WDR76: variants seen among roughly 807,000 people sequenced by gnomAD.
The protein encoded by WDR76 is WD repeat domain 76.
In WDR76, 52 loss-of-function variants were observed where a neutral mutation model predicts 70.2. That is an observed-to-expected ratio of 0.74 (90% confidence interval 0.59 to 0.93). The LOEUF (loss-of-function observed/expected upper bound fraction) is 0.93, where lower values mean the gene tolerates loss of function less well. WDR76 is among the 40% of genes least tolerant of loss of function. The pLI, the probability that WDR76 is intolerant of heterozygous loss-of-function variation, is 0.00. For synonymous variants in WDR76, 292 were observed against 271.1 expected (o/e 1.08, Z -0.76); for missense variants, 756 against 760.2 (o/e 0.99, Z 0.07).
At chr15:43,836,330 C>T in intron 4 of WDR76, 114 bp downstream of exon 4, 1 of 809,112 alleles carries the variant, frequency 1.2e-6, no homozygotes, top group South Asian at 2.6e-5. Context: ...GCTATTTAAT[C>T]TCAGTCCCTC....
intron 2 of WDR76, among the ~76,000 whole-genome samples, chr15:43,832,147 A>G (rs1240041065): frequency 6.6e-6 from 1 of 152,160 alleles, no homozygotes; most frequent in Non-Finnish European, 1.5e-5. Flanking sequence ...GCATTGTTCC[A>G]TTGTCTTCCA....
At position 43,828,230 on chromosome 15, in the gene WDR76, T is replaced by A. The variant is rs777451958; in HGVS notation, c.326T>A (p.Leu109Gln). The A allele has an allele frequency of 1.1e-5, 17 of 1,614,068 alleles. No individual in the cohort carries two copies. Among genetic ancestry groups the A allele is most frequent in the Non-Finnish European group, 1.4e-5 (16 of 1,180,040 alleles). The change falls in exon 2 of 13, where the codon CTG becomes CAG. Residue 109 changes from leucine (L) to glutamine (Q), a missense_variant. By Grantham distance (113) the Leu-to-Gln change is moderately radical. Transcript: ENST00000263795. ...KNTSSKAEST[L>Q]QNSSSAVHTE... is the part of the protein sequence containing the mutation. Reference sequence around the variant, plus strand: ...ACATCTTCCAAGGCAGAATCCACGCTGCAAAATTCATCCTCAGCTGTTCAT... The same window carrying A: ...ACATCTTCCAAGGCAGAATCCACGCAGCAAAATTCATCCTCAGCTGTTCAT...
At chr15:43,834,355 C>G (rs1205867734) in intron 2 of WDR76, among the ~76,000 whole-genome samples, 1 of 146,180 alleles carries the variant, frequency 6.8e-6, no homozygotes, top group Non-Finnish European at 1.5e-5. Flanking sequence ...GGCTAGAGTG[C>G]AATGGTGCGA....
At chr15:43,853,518 T>G (rs1035458713) in intron 9 of WDR76, among the ~76,000 whole-genome samples, 1 of 152,078 alleles carries the variant, frequency 6.6e-6, no homozygotes, top group African/African-American at 2.4e-5. Flanking sequence ...AAGCTTGACT[T>G]TAAAACAATA....
At position 43,866,354 on chromosome 15, in the gene WDR76, G is replaced by A. The variant is rs1020192578; in HGVS notation, c.1843G>A (p.Gly615Arg). Residue 615 changes from glycine to arginine, a missense_variant, in exon 13 of 13, where the codon GGG becomes AGG. Physicochemically the swap from Gly to Arg is moderately radical, Grantham distance 125. Coordinates refer to ENST00000263795, the MANE Select transcript of WDR76 (RefSeq NM_024908.4). Reference protein sequence around the residue: ...RYILAGGNSSGKIHVFMNEKS... With the variant: ...RYILAGGNSSRKIHVFMNEKS... ...TATTTTGGCTGGAGGTAATTCCAGCGGGAAGATACATGTTTTTATGAATGA... is the reference window on the plus strand; with the variant it reads ...TATTTTGGCTGGAGGTAATTCCAGCAGGAAGATACATGTTTTTATGAATGA... 6.2e-7 allele frequency: 1 copy of A among 1,614,082 alleles called. No individual in the cohort carries two copies. The highest frequency in any genetic ancestry group is 8.5e-7 in the Non-Finnish European group (1 of 1,179,994).
chr15:43,857,645 C>A (rs1452255276), intron 10 of WDR76: 3 of 419,622 alleles, frequency 7.1e-6, no homozygotes, highest in Non-Finnish European at 9.6e-6. Context: ...TATGGTGAGA[C>A]CCTGTCTCTA....
intron 4 of WDR76, among the ~76,000 whole-genome samples, chr15:43,837,881 T>C (rs2141729527): frequency 6.7e-6 from 1 of 149,264 alleles, no homozygotes; most frequent in East Asian, 2.0e-4. Context: ...TTATTGCTTT[T>C]TTTTTTTTTT....
At position 43,853,259 on chromosome 15, in the gene WDR76, C is replaced by T. The variant is rs143824960; in HGVS notation, c.1191+2014C>T. The stretch of plus-strand genomic sequence containing the variant: ...CAGCTGGAGTGAAGTGGCTTGATCT[C>T]GGCTCACCGCAGCCTCTGCCTCCCA... On this transcript the variant is annotated intron_variant, in intron 9 of 12. Coordinates refer to ENST00000263795, the MANE Select transcript of WDR76 (RefSeq NM_024908.4). Among the ~76,000 whole-genome samples, 914 of 152,052 alleles carry T rather than the reference C, an allele frequency of 6.0e-3. 8 individuals carry two copies. The highest frequency in any genetic ancestry group is 0.014 in the Middle Eastern group (4 of 294).
chr15:43,851,136 A>T lies in WDR76; in HGVS notation c.1082A>T (p.Gln361Leu), dbSNP rs529033956. 21 of 1,614,162 alleles carry T rather than the reference A, an allele frequency of 1.3e-5. No homozygotes were observed. In the South Asian group the frequency reaches 2.2e-4, roughly 17 times the overall value. Residue 361 changes from glutamine to leucine, a missense_variant, in exon 9 of 13, where the codon CAG (glutamine) becomes CTG (leucine). Transcript: ENST00000263795. ...GTTTATGTTTTTCATCCCCATAGTC[A>T]GCCAGTTAGCTGTCTTTACTTCTCA... ...DGVYVFHPHS[Q>L]PVSCLYFSPA...
chr15:43,833,672 G>C (rs911738655), intron 2 of WDR76, among the ~76,000 whole-genome samples: 1 of 146,206 alleles, frequency 6.8e-6, no homozygotes, highest in Non-Finnish European at 1.5e-5. Context: ...TTGCTCTGTG[G>C]CCCAGGCTGG....
intron 4 of WDR76, among the ~76,000 whole-genome samples, chr15:43,838,002 A>C (rs892549504): frequency 1.3e-5 from 2 of 150,722 alleles, no homozygotes; most frequent in Non-Finnish European, 2.9e-5. Context: ...CAGCCTCCCG[A>C]GTAACTGGGA....
At chr15:43,834,015 CT>C (rs1185037128) in intron 2 of WDR76, among the ~76,000 whole-genome samples, 2 of 152,210 alleles carry the variant, frequency 1.3e-5, no homozygotes, top group Non-Finnish European at 2.9e-5. Context: ...GATATTGGAC[CT>C]CTAAGACTGA....
chr15:43,860,163 T>C (rs1344402178), intron 11 of WDR76, among the ~76,000 whole-genome samples: 1 of 152,208 alleles, frequency 6.6e-6, no homozygotes, highest in Admixed American at 6.5e-5. Context: ...GAGGATCACT[T>C]GAGCCTAGGA....
chr15:43,842,024 C>T (rs148049371), intron 5 of WDR76, among the ~76,000 whole-genome samples: 139 of 152,158 alleles, frequency 9.1e-4, no homozygotes, highest in African/African-American at 3.1e-3. Flanking sequence ...CCTGCCACCA[C>T]GCCCAGCAAA....
rs2088073163 is a variant in WDR76, at chr15:43,866,468, T to C, written c.*76T>C. 5 of 1,508,314 alleles carry C rather than the reference T, an allele frequency of 3.3e-6. No individual in the cohort carries two copies. Among genetic ancestry groups the C allele is most frequent in the Non-Finnish European group, 4.6e-6 (5 of 1,097,400 alleles). The allele number at this position is 1,508,314 out of a possible 1,614,324, so 93.4% of individuals were successfully genotyped here. The stretch of plus-strand genomic sequence containing the variant: ...GCCTAGTAATCGGCGTGCCTTAGTG[T>C]GTTTATGTGGTAATGTGTTACATTT... On this transcript the variant is annotated 3_prime_UTR_variant, in exon 13 of 13. Transcript: ENST00000263795.
chr15:43,851,152 T>A lies in WDR76; in HGVS notation c.1098T>A (p.Leu366=). The A allele has an allele frequency of 6.2e-7, 1 of 1,614,192 alleles. No homozygotes were observed. Among genetic ancestry groups the A allele is most frequent in the South Asian group, 1.1e-5 (1 of 91,084 alleles). Residue 366 remains leucine (L), a synonymous_variant, in exon 9 of 13, where the codon CTT becomes CTA. Transcript: ENST00000263795. The part of the protein sequence containing the change: ...FHPHSQPVSC[L]YFSPANPAHI... ...CCCATAGTCAGCCAGTTAGCTGTCT[T>A]TACTTCTCACCCGCCAATCCGGCCC...
At chr15:43,856,288 G>A (rs953545103) in intron 9 of WDR76, among the ~76,000 whole-genome samples, 2 of 151,762 alleles carry the variant, frequency 1.3e-5, no homozygotes, top group African/African-American at 4.9e-5. Flanking sequence ...AAAAGTATAA[G>A]CATTAAACAT....
intron 8 of WDR76, among the ~76,000 whole-genome samples, chr15:43,848,207 C>G (rs1367402558): frequency 6.6e-6 from 1 of 152,014 alleles, no homozygotes; most frequent in Non-Finnish European, 1.5e-5. Flanking sequence ...TCACTGTACT[C>G]CAGGCTGGAT....
At chr15:43,861,283 C>T in intron 11 of WDR76, 50 bp from the exon 12 acceptor site, 1 of 1,454,382 alleles carries the variant, frequency 6.9e-7, no homozygotes, top group Admixed American at 1.7e-5. Context: ...ATATTTATTT[C>T]AGAAAGTTTT....
Sources: gnomAD v4.1 joint callset for allele counts (sites outside exome capture counted in the v4.1 genomes callset) on GRCh38, gnomAD v4.1.1 for gene constraint, MANE v1.5 for transcripts, NCBI Gene and HGNC (gene_info 2026-07-23, HGNC 2026-07-21) for gene names.